The following ZNF592 variants were observed in gnomAD, a reference collection of about 807,000 sequenced individuals.
ZNF592 encodes the protein spinocerebellar ataxia, autosomal recessive 5.
In ZNF592, 11 loss-of-function variants were observed where a neutral mutation model predicts 80.3. That is an observed-to-expected ratio of 0.14 (90% CI 0.09 to 0.23). The LOEUF (loss-of-function observed/expected upper bound fraction) is 0.23, where lower values mean the gene tolerates loss of function less well. Among genes scored for constraint, ZNF592 ranks in the 10% least tolerant of loss-of-function variants. The pLI is 1.00. For missense variants in ZNF592, 1,420 were observed against 1,633.9 expected (o/e 0.87, Z 2.26); for synonymous variants, 646 against 640.3 (o/e 1.01, Z -0.13).
rs146249683 is a variant in ZNF592, at chr15:84,771,139, G to A, written c.-150+6324G>A. 3.9e-3 allele frequency among the ~76,000 whole-genome samples: 599 copies of A among 152,132 alleles called. 2 individuals are homozygous for A. Among genetic ancestry groups the A allele is most frequent in the African/African-American group, 0.014 (569 of 41,480 alleles). On this transcript the variant is annotated intron_variant, in intron 2 of 10. Coordinates refer to ENST00000560079, the MANE Select transcript of ZNF592 (RefSeq NM_014630.3). Reference sequence around the variant, plus strand: ...GTGTGTTAGGTCACGGAAATAGAGGGGAAAGACATGACCCCCACACAGGAG... The same window carrying A: ...GTGTGTTAGGTCACGGAAATAGAGGAGAAAGACATGACCCCCACACAGGAG...
Position 84,782,846 on chromosome 15 carries a change from A to C in ZNF592, c.171A>C (p.Ser57=). The change falls in exon 4 of 11, where the codon TCA becomes TCC. Residue 57 remains serine (S), a synonymous_variant. Transcript: ENST00000560079. ...ATGAAAGTGTGTCCTTGTCTCACTC[A>C]GGATCAGCCCCCGATGTGCCGGCCG... ...CMDESVSLSH[S]GSAPDVPAVS... 6.2e-7 allele frequency: 1 copy of C among 1,614,152 alleles called. No individual in the cohort carries two copies. Among genetic ancestry groups the C allele is most frequent in the Non-Finnish European group, 8.5e-7 (1 of 1,180,018 alleles).
At position 84,799,307 on chromosome 15, in the gene ZNF592, A is replaced by T; in HGVS notation, c.3137+97A>T. 8.1e-7 allele frequency: 1 copy of T among 1,239,180 alleles called. No homozygotes were observed. Among genetic ancestry groups the T allele is most frequent in the Non-Finnish European group, 1.2e-6 (1 of 842,450 alleles). The allele number at this position is 1,239,180 out of a possible 1,614,324, so 76.8% of individuals were successfully genotyped here. A position where few individuals can be genotyped will look rare whatever the true frequency, so the allele number is the denominator to read the frequency against. Reference sequence around the variant, plus strand: ...TTCTGTGCTGCAAGATCAGGTGTCTAAGACAAGAGACAAGTGATTTCCAAC... The same window carrying T: ...TTCTGTGCTGCAAGATCAGGTGTCTTAGACAAGAGACAAGTGATTTCCAAC... On this transcript the variant is annotated intron_variant, in intron 9 of 10. Coordinates refer to ENST00000560079, the MANE Select transcript of ZNF592 (RefSeq NM_014630.3). The surrounding 1 kb of genome is among the most constrained non-coding windows in gnomAD (Gnocchi z 4.2).
chr15:84,784,974 C>A lies in ZNF592; in HGVS notation c.2220+79C>A. Reference sequence around the variant, plus strand: ...ATGACTGGGCATGGAGAGGAAAGCTCATTGATATGGGGGCAGTGGTGGAAT... The same window carrying A: ...ATGACTGGGCATGGAGAGGAAAGCTAATTGATATGGGGGCAGTGGTGGAAT... On this transcript the variant is annotated intron_variant, in intron 4 of 10. Transcript: ENST00000560079. This position sits in a 1 kb window ranked among gnomAD's most constrained non-coding sequence, Gnocchi z 5.8. The A allele has an allele frequency of 6.8e-7, 1 of 1,481,304 alleles. No homozygotes were observed. The highest frequency in any genetic ancestry group is 1.1e-5 in the South Asian group (1 of 87,592). The allele number at this position is 1,481,304 out of a possible 1,614,324, so 91.8% of individuals were successfully genotyped here.
In ZNF592 at chr15:84,798,987, T is replaced by C. The variant is rs1963013962; in HGVS notation, c.3025-111T>C. 6.3e-7 allele frequency: 1 copy of C among 1,591,562 alleles called. No individual in the cohort carries two copies. The highest frequency in any genetic ancestry group is 1.3e-5 in the African/African-American group (1 of 74,618). On this transcript the variant is annotated intron_variant, in intron 8 of 10. Transcript: ENST00000560079. The surrounding 1 kb of genome is among the most constrained non-coding windows in gnomAD (Gnocchi z 4.5). ...TAGGGCAGGGTGGGTACCACAGATC[T>C]TGAGGTCTTCGGGAGTATCCTCCTT...
At chr15:84,756,983 C>T (rs867256949) in intron 1 of ZNF592, among the ~76,000 whole-genome samples, 35 of 152,036 alleles carry the variant, frequency 2.3e-4, no homozygotes, top group African/African-American at 7.2e-4. Context: ...CATGGTGGTG[C>T]GCGCCTGTAG....
Position 84,784,159 on chromosome 15 carries a change from C to T in ZNF592, c.1484C>T (p.Pro495Leu). 1 of 1,614,176 alleles carries T rather than the reference C, an allele frequency of 6.2e-7. No individual in the cohort carries two copies. The highest frequency in any genetic ancestry group is 1.7e-5 in the Admixed American group (1 of 60,036). The change falls in exon 4 of 11, where the codon CCT (proline) becomes CTT (leucine). Residue 495 changes from proline (P) to leucine (L), a missense_variant. Physicochemically the swap from Pro to Leu is moderately conservative, Grantham distance 98. Around this residue, in one of 7 missense-constraint regions of ZNF592, gnomAD observed 524 missense variants for 628.3 expected, o/e 0.83. Transcript: ENST00000560079. The surrounding 1 kb of genome is among the most constrained non-coding windows in gnomAD (Gnocchi z 5.8). ...GCACTGCAGGCATCCACCCTGGCCC[C>T]TGCCAACCTCCTGCCCAAAGCCGTG... Reference protein sequence around the residue: ...STALQASTLAPANLLPKAVHL... With the variant: ...STALQASTLALANLLPKAVHL...
intron 5 of ZNF592, among the ~76,000 whole-genome samples, chr15:84,797,256 C>T (rs540551014): frequency 3.2e-4 from 48 of 152,308 alleles, no homozygotes; most frequent in South Asian, 2.1e-4. Context: ...CTATCGTGCC[C>T]GCCCCAGTGG....
rs1439249046 is a variant in ZNF592, at chr15:84,764,644, C to T, written c.-258-63C>T. 2.0e-5 allele frequency: 8 copies of T among 397,676 alleles called. No homozygotes were observed. The East Asian group carries it at 2.9e-4, about 14-fold the overall frequency. 24.6% of individuals were successfully genotyped at this position (397,676 alleles called of 1,614,324 possible). A position where few individuals can be genotyped will look rare whatever the true frequency, so the allele number is the denominator to read the frequency against. ...TTATTAGTTTTTTTAAACTATCTTT[C>T]CTTACTCTAACACTTACCTTCAGAC... On this transcript the variant is annotated intron_variant, in intron 1 of 10. Coordinates refer to ENST00000560079, the MANE Select transcript of ZNF592 (RefSeq NM_014630.3).
chr15:84,758,757 C>CAAA lies in ZNF592; in HGVS notation c.-258-5934_-258-5932dup, dbSNP rs142239350. Among the ~76,000 whole-genome samples the CAAA allele has an allele frequency of 3.4e-4, 12 of 35,258 alleles. 1 individual carries two copies. Among genetic ancestry groups the CAAA allele is most frequent in the East Asian group, 7.6e-4 (1 of 1,308 alleles). The allele number at this position is 35,258 out of a possible 152,430, so 23.1% of individuals were successfully genotyped here. A position where few individuals can be genotyped will look rare whatever the true frequency, so the allele number is the denominator to read the frequency against. ...CAAAACCCCATCGCTACTGAAAATC[C>CAAA]AAAAAAAAAAAAAAAAAAGCTGGGC... On this transcript the variant is annotated intron_variant, in intron 1 of 10. Coordinates refer to ENST00000560079, the MANE Select transcript of ZNF592 (RefSeq NM_014630.3).
At chr15:84,790,942 C>T in intron 5 of ZNF592, 59 bp downstream of exon 5, 1 of 1,605,124 alleles carries the variant, frequency 6.2e-7, no homozygotes, top group Non-Finnish European at 8.5e-7. Flanking sequence ...TTTTCCTAAG[C>T]CAGAACTCAT....
At chr15:84,764,226 T>C (rs1899433311) in intron 1 of ZNF592, among the ~76,000 whole-genome samples, 2 of 152,234 alleles carry the variant, frequency 1.3e-5, no homozygotes, top group South Asian at 4.1e-4. Context: ...CCTCTCTGCA[T>C]GCAATTTCTG....
rs189742462 is a variant in ZNF592, at chr15:84,767,256, G to C, written c.-150+2441G>C. ...TGCCTGGGTGGTCTCGAACTCCTGAGCTCAGGCGATCCGCCCGCCTCGGCC... is the reference window on the plus strand; with the variant it reads ...TGCCTGGGTGGTCTCGAACTCCTGACCTCAGGCGATCCGCCCGCCTCGGCC... On this transcript the variant is annotated intron_variant, in intron 2 of 10. Transcript: ENST00000560079. 4.0e-3 allele frequency among the ~76,000 whole-genome samples: 603 copies of C among 152,146 alleles called. 2 individuals carry two copies. The highest frequency in any genetic ancestry group is 0.014 in the African/African-American group (573 of 41,496).
In ZNF592 at chr15:84,804,942, T is replaced by G. The variant is rs894361267; in HGVS notation, c.*2549T>G. 6.6e-6 allele frequency: 1 copy of G among 152,222 alleles called. No individual in the cohort carries two copies. The highest frequency in any genetic ancestry group is 1.5e-5 in the Non-Finnish European group (1 of 68,040). 9.4% of individuals were successfully genotyped at this position (152,222 alleles called of 1,614,324 possible). A position where few individuals can be genotyped will look rare whatever the true frequency, so the allele number is the denominator to read the frequency against. On this transcript the variant is annotated 3_prime_UTR_variant, in exon 11 of 11. Transcript: ENST00000560079. Reference sequence around the variant, plus strand: ...CGAGGCTCCGAGAGGTTAAACGATGTGCAGAGGCTACCTGTAGTGATGGTG... The same window carrying G: ...CGAGGCTCCGAGAGGTTAAACGATGGGCAGAGGCTACCTGTAGTGATGGTG...
chr15:84,769,705 G>A (rs1434743982), intron 2 of ZNF592, among the ~76,000 whole-genome samples: 1 of 152,130 alleles, frequency 6.6e-6, no homozygotes, highest in Non-Finnish European at 1.5e-5. Flanking sequence ...AGATGGGATG[G>A]TGTTGAAGGG....
chr15:84,795,465 T>C (rs1490261819), intron 5 of ZNF592, among the ~76,000 whole-genome samples: 1 of 152,266 alleles, frequency 6.6e-6, no homozygotes, highest in Non-Finnish European at 1.5e-5. Context: ...CAATGAGGTT[T>C]CTCAAAGAAA....
intron 10 of ZNF592, among the ~76,000 whole-genome samples, chr15:84,801,038 A>G (rs757138330): frequency 1.4e-4 from 21 of 152,232 alleles, no homozygotes; most frequent in Non-Finnish European, 2.8e-4. Flanking sequence ...AAGCATGCAT[A>G]TACTGGGTGC....
At chr15:84,794,969 G>C (rs1167983772) in intron 5 of ZNF592, among the ~76,000 whole-genome samples, 1 of 151,746 alleles carries the variant, frequency 6.6e-6, no homozygotes, top group East Asian at 1.9e-4. Flanking sequence ...AGATACCTAT[G>C]TTCCATTTTA....
At position 84,799,859 on chromosome 15, in the gene ZNF592, G is replaced by T; in HGVS notation, c.3155G>T (p.Ser1052Ile). The change falls in exon 10 of 11, where the codon AGC becomes ATC. Residue 1052 changes from serine to isoleucine, a missense_variant. Around this residue, in one of 7 missense-constraint regions of ZNF592, gnomAD observed 331 missense variants for 347.0 expected, o/e 0.95. Coordinates refer to ENST00000560079, the MANE Select transcript of ZNF592 (RefSeq NM_014630.3). This position sits in a 1 kb window ranked among gnomAD's most constrained non-coding sequence, Gnocchi z 4.2. ...TTCTGCAGGTACTGCACAGAGGACAGCCCCAGCTTTCCTCGGCCCTCCCTT... is the reference window on the plus strand; with the variant it reads ...TTCTGCAGGTACTGCACAGAGGACATCCCCAGCTTTCCTCGGCCCTCCCTT... ...FYTCGYCTED[S>I]PSFPRPSLLE... is the part of the protein sequence containing the mutation. 6.2e-7 allele frequency: 1 copy of T among 1,614,126 alleles called. No homozygotes were observed. The highest frequency in any genetic ancestry group is 1.7e-5 in the Admixed American group (1 of 60,032).
At position 84,783,483 on chromosome 15, in the gene ZNF592, C is replaced by G. The variant is rs769657850; in HGVS notation, c.808C>G (p.Pro270Ala). 39 of 1,614,096 alleles carry G rather than the reference C, an allele frequency of 2.4e-5. No individual in the cohort carries two copies. The highest frequency in any genetic ancestry group is 4.0e-5 in the African/African-American group (3 of 74,936). Residue 270 changes from proline (P) to alanine (A), a missense_variant, in exon 4 of 11, where the codon CCT becomes GCT. Pro to Ala is a conservative substitution (Grantham distance 27). Transcript: ENST00000560079. This position sits in a 1 kb window ranked among gnomAD's most constrained non-coding sequence, Gnocchi z 5.0. The part of the protein sequence containing the change: ...RELGTCSSVP[P>A]RQRLKPAHSK... ...GCTTGGTACCTGCTCATCAGTCCCC[C>G]CTAGGCAGCGTCTAAAGCCAGCTCA...
Sources: allele counts gnomAD v4.1 joint callset (sites outside exome capture counted in the v4.1 genomes callset), GRCh38; gene constraint gnomAD v4.1.1; regional missense constraint gnomAD v4.1.1; non-coding constraint Gnocchi (gnomAD v3.1); transcripts MANE v1.5; gene names NCBI Gene and HGNC (gene_info 2026-07-23, HGNC 2026-07-21).